PLSCR2: variants seen among roughly 807,000 people sequenced by gnomAD.
PLSCR2 encodes the protein PL scramblase 2.
PLSCR2 carries 18 observed loss-of-function variants against 25.3 expected under a neutral mutation model. The observed-to-expected ratio is 0.71, with a 90% CI of 0.49 to 1.06. PLSCR2 has a LOEUF of 1.06. Ranked by LOEUF, PLSCR2 falls within the 50% of genes least tolerant of loss-of-function variation. The pLI is 0.00. For missense variants in PLSCR2, 243 were observed against 269.5 expected (o/e 0.90, Z 0.69); for synonymous variants, 88 against 87.3 (o/e 1.01, Z -0.04).
chr3:146,435,137 T>C (rs1050896366), intron 8 of PLSCR2, among the ~76,000 whole-genome samples: 26 of 152,140 alleles, frequency 1.7e-4, no homozygotes, highest in Non-Finnish European at 3.2e-4. Flanking sequence ...TTCCATGGTG[T>C]ATATGTGCCA....
chr3:146,471,660 G>A (rs1161052570), intron 1 of PLSCR2, among the ~76,000 whole-genome samples: 2 of 150,982 alleles, frequency 1.3e-5, no homozygotes, highest in African/African-American at 2.4e-5. Flanking sequence ...TCCACCCTCC[G>A]GGTTAAAGAA....
intron 2 of PLSCR2, among the ~76,000 whole-genome samples, chr3:146,400,958 G>T (rs1305276933): frequency 6.6e-6 from 1 of 151,832 alleles, no homozygotes; most frequent in Non-Finnish European, 1.5e-5. Context: ...AAATATTAAA[G>T]TGGGAAAAAA....
intron 1 of PLSCR2, among the ~76,000 whole-genome samples, chr3:146,470,516 C>T (rs2042076896): frequency 6.6e-6 from 1 of 152,140 alleles, no homozygotes; most frequent in Non-Finnish European, 1.5e-5. Flanking sequence ...CCACTACACT[C>T]CAGCCTGGGA....
At chr3:146,465,925 C>G (rs1056377859) in intron 1 of PLSCR2, among the ~76,000 whole-genome samples, 7 of 152,132 alleles carry the variant, frequency 4.6e-5, no homozygotes, top group African/African-American at 9.7e-5. Context: ...CAAAGTAAAG[C>G]AGAGCAAGCA....
rs372975099 is a variant in PLSCR2 at position 146,422,912 on chromosome 3, G to C, written c.101-26991C>G. On this transcript the variant is annotated intron_variant and NMD_transcript_variant, in intron 2 of 3. Coordinates refer to the PLSCR2 transcript ENST00000463633. The stretch of plus-strand genomic sequence containing the variant: ...GTATAATAATAGGTTTGTGATCTGT[G>C]AAATAAAGCAGGACACTGCCACAAA... Among the ~76,000 whole-genome samples the C allele has an allele frequency of 3.4e-4, 52 of 152,120 alleles. No individual in the cohort carries two copies. The South Asian group carries it at 9.9e-3, about 29-fold the overall frequency.
intron 1 of PLSCR2, among the ~76,000 whole-genome samples, chr3:146,481,059 A>G (rs2043112546): frequency 6.6e-6 from 1 of 152,114 alleles, no homozygotes; most frequent in African/African-American, 2.4e-5. Flanking sequence ...CTCTCAATAA[A>G]CTAGGTATTG....
chr3:146,445,541 AT>A (rs928767054), intron 6 of PLSCR2, among the ~76,000 whole-genome samples: 11 of 150,424 alleles, frequency 7.3e-5, no homozygotes, highest in Admixed American at 6.0e-4. Flanking sequence ...CTTTTATGTT[AT>A]TTTTTTTTCT....
intron 6 of PLSCR2, among the ~76,000 whole-genome samples, chr3:146,442,986 C>T (rs2040340646): frequency 6.6e-6 from 1 of 151,964 alleles, no homozygotes. Flanking sequence ...AGCTTTTGCA[C>T]AGCAAAGGAA....
chr3:146,445,859 T>G (rs969353235), intron 6 of PLSCR2, among the ~76,000 whole-genome samples: 5 of 151,892 alleles, frequency 3.3e-5, no homozygotes, highest in African/African-American at 9.7e-5. Context: ...TTGTCTCCTC[T>G]GTCTATTTTC....
intron 1 of PLSCR2, among the ~76,000 whole-genome samples, chr3:146,474,529 C>G (rs561383858): frequency 6.6e-6 from 1 of 152,254 alleles, no homozygotes; most frequent in South Asian, 2.1e-4. Context: ...CTTCCCGTTG[C>G]AGGAGACCAT....
At chr3:146,439,618 A>G (rs115367214), downstream of PLSCR2, among the ~76,000 whole-genome samples, 3,236 of 152,194 alleles carry the variant, frequency 0.021, 36 homozygotes, top group South Asian at 0.047. Flanking sequence ...TTTCAACTCT[A>G]TCAGGTTATG....
intron 6 of PLSCR2, among the ~76,000 whole-genome samples, chr3:146,448,666 G>A (rs1365522103): frequency 6.6e-6 from 1 of 152,134 alleles, no homozygotes; most frequent in Non-Finnish European, 1.5e-5. Flanking sequence ...TTGAAGTGGG[G>A]AATGGCCTGA....
intron 2 of PLSCR2, among the ~76,000 whole-genome samples, chr3:146,416,890 G>A (rs2039019242): frequency 6.6e-6 from 1 of 152,158 alleles, no homozygotes; most frequent in Non-Finnish European, 1.5e-5. Flanking sequence ...ATATTCCCAT[G>A]TGACTTTAAT....
chr3:146,484,381 G>A (rs1280712792), intron 1 of PLSCR2, among the ~76,000 whole-genome samples: 1 of 151,926 alleles, frequency 6.6e-6, no homozygotes, highest in African/African-American at 2.4e-5. Context: ...ATATCATCCA[G>A]AAGAGCTTCC....
intron 6 of PLSCR2, among the ~76,000 whole-genome samples, chr3:146,447,720 C>T (rs2040639905): frequency 6.6e-6 from 1 of 152,116 alleles, no homozygotes; most frequent in African/African-American, 2.4e-5. Context: ...TATATATACC[C>T]ATAAGTCCAG....
intron 2 of PLSCR2, among the ~76,000 whole-genome samples, chr3:146,425,520 GTA>G (rs1361911133): frequency 6.6e-6 from 1 of 152,190 alleles, no homozygotes; most frequent in African/African-American, 2.4e-5. Flanking sequence ...GGTGGCAACT[GTA>G]TCTGGAAGTG....
At chr3:146,454,215 CTAA>C in intron 4 of PLSCR2, 52 bp from the exon 5 acceptor site, 1 of 1,232,924 alleles carries the variant, frequency 8.1e-7, no homozygotes, top group Non-Finnish European at 1.1e-6. Flanking sequence ...ATAAAAATAT[CTAA>C]TAATAGCTCT....
At chr3:146,407,684 T>A (rs367690396) in intron 2 of PLSCR2, among the ~76,000 whole-genome samples, 1 of 152,218 alleles carries the variant, frequency 6.6e-6, no homozygotes, top group East Asian at 1.9e-4. Context: ...CCGTACCTGG[T>A]GTCAGTGTAA....
At chr3:146,437,753 T>A (rs1373807079), downstream of PLSCR2, among the ~76,000 whole-genome samples, 1 of 152,124 alleles carries the variant, frequency 6.6e-6, no homozygotes, top group Non-Finnish European at 1.5e-5. Context: ...TTTTGAAGGG[T>A]TTTTTGTGTC....
Sources: gnomAD v4.1 joint callset for allele counts (sites outside exome capture counted in the v4.1 genomes callset) on GRCh38, gnomAD v4.1.1 for gene constraint, MANE v1.5 for transcripts, NCBI Gene and HGNC (gene_info 2026-07-23, HGNC 2026-07-21) for gene names.